The following ERC2 variants were observed in gnomAD, a reference collection of about 807,000 sequenced individuals.
The protein encoded by ERC2 is ELKS/RAB6-interacting/CAST family member 2, also known as ERC protein 2.
ERC2 carries 42 observed loss-of-function variants against 114.8 expected under a neutral mutation model. That is an observed-to-expected ratio of 0.37 (90% CI 0.29 to 0.47). The LOEUF (loss-of-function observed/expected upper bound fraction) is 0.47, where lower values mean the gene tolerates loss of function less well. Among genes scored for constraint, ERC2 ranks in the 20% least tolerant of loss-of-function variants. The pLI, the probability that ERC2 is intolerant of heterozygous loss-of-function variation, is 0.99. For synonymous variants in ERC2, 454 were observed against 425.5 expected (o/e 1.07, Z -0.82); for missense variants, 939 against 1,150.7 (o/e 0.82, Z 2.66).
intron 14 of ERC2, among the ~76,000 whole-genome samples, chr3:55,812,134 A>T (rs1036449031): frequency 3.9e-5 from 6 of 152,160 alleles, no homozygotes; most frequent in Non-Finnish European, 7.3e-5. Context: ...TTTCTGAGTT[A>T]GTTTGCTGAG....
At chr3:56,381,901 A>G (rs893751954) in intron 2 of ERC2, among the ~76,000 whole-genome samples, 5 of 152,114 alleles carry the variant, frequency 3.3e-5, no homozygotes, top group Non-Finnish European at 7.4e-5. Context: ...AGGGTCCTCA[A>G]GAACAAAGAT....
At chr3:55,769,870 G>A (rs550859368) in intron 14 of ERC2, among the ~76,000 whole-genome samples, 4 of 152,320 alleles carry the variant, frequency 2.6e-5, no homozygotes, top group Middle Eastern at 3.4e-3. Flanking sequence ...GGATATGGCA[G>A]AAGGTTCTTG....
At chr3:56,405,995 C>T (rs2060710034) in intron 2 of ERC2, among the ~76,000 whole-genome samples, 1 of 146,690 alleles carries the variant, frequency 6.8e-6, no homozygotes, top group African/African-American at 2.5e-5. Context: ...CAGGTTCAAG[C>T]GAGTCTCGTG....
At chr3:56,225,541 A>G (rs2050195340) in intron 3 of ERC2, among the ~76,000 whole-genome samples, 1 of 152,234 alleles carries the variant, frequency 6.6e-6, no homozygotes, top group African/African-American at 2.4e-5. Flanking sequence ...GATAACATTT[A>G]TTGAGATACC....
chr3:55,978,851 A>G (rs932850733), intron 12 of ERC2, among the ~76,000 whole-genome samples: 8 of 152,234 alleles, frequency 5.3e-5, no homozygotes, highest in Non-Finnish European at 8.8e-5. Flanking sequence ...ATGAAATATT[A>G]ATATAAACTA....
intron 2 of ERC2, among the ~76,000 whole-genome samples, chr3:56,297,499 G>C (rs1482791811): frequency 6.6e-6 from 1 of 152,200 alleles, no homozygotes; most frequent in African/African-American, 2.4e-5. Context: ...TGTGAGAAAA[G>C]GCACCCGTGC....
At chr3:56,154,787 C>T (rs187182865) in intron 4 of ERC2, among the ~76,000 whole-genome samples, 97 of 152,216 alleles carry the variant, frequency 6.4e-4, no homozygotes, top group African/African-American at 2.3e-3. Context: ...AAGAAAATTA[C>T]AAGTGAGGTA....
intron 7 of ERC2, among the ~76,000 whole-genome samples, chr3:56,040,797 T>G (rs1044350603): frequency 2.0e-5 from 3 of 146,974 alleles, no homozygotes; most frequent in African/African-American, 7.5e-5. Flanking sequence ...TATAGATATA[T>G]ATAGAGAGAT....
chr3:55,548,807 T>C (rs1238097493), intron 17 of ERC2, among the ~76,000 whole-genome samples: 1 of 152,156 alleles, frequency 6.6e-6, no homozygotes, highest in Admixed American at 6.5e-5. Flanking sequence ...GTAGAAGGCA[T>C]GGTGGCAGGC....
intron 17 of ERC2, among the ~76,000 whole-genome samples, chr3:55,672,624 A>C (rs1218673500): frequency 6.6e-6 from 1 of 152,178 alleles, no homozygotes; most frequent in Admixed American, 6.5e-5. Flanking sequence ...CAAGGGTGCT[A>C]TGTGAGTGAG....
chr3:56,307,828 G>GCACACA (rs10576433), intron 2 of ERC2, among the ~76,000 whole-genome samples: 1 of 147,556 alleles, frequency 6.8e-6, no homozygotes, highest in Non-Finnish European at 1.5e-5. Flanking sequence ...ACACACACTT[G>GCACACA]CACACACACA....
rs180893020 is a variant in ERC2 at position 55,738,836 on chromosome 3, C to T, written c.2565-3918G>A. Among the ~76,000 whole-genome samples the T allele has an allele frequency of 2.4e-3, 364 of 152,196 alleles. 3 individuals are homozygous for T. Among genetic ancestry groups the T allele is most frequent in the Non-Finnish European group, 4.0e-3 (272 of 68,010 alleles). On this transcript the variant is annotated intron_variant, in intron 14 of 17. Coordinates refer to ENST00000288221, the MANE Select transcript of ERC2 (RefSeq NM_015576.3). ...TGCAGGTTTGTTACATAGATATATA[C>T]ATGCCATGGTGGTTTGCTGCACCCA... is the stretch of plus-strand genomic sequence containing the variant.
intron 12 of ERC2, among the ~76,000 whole-genome samples, chr3:55,981,788 C>T (rs2070159388): frequency 6.6e-6 from 1 of 152,164 alleles, no homozygotes; most frequent in Non-Finnish European, 1.5e-5. Context: ...TGAAGCCAGA[C>T]ATGACATCCA....
chr3:56,071,506 C>T (rs1488955103), intron 7 of ERC2, among the ~76,000 whole-genome samples: 3 of 152,186 alleles, frequency 2.0e-5, no homozygotes, highest in Admixed American at 1.3e-4. Context: ...ATCAGCATAA[C>T]CAAAGTTACA....
chr3:56,424,299 C>G (rs1485282748), intron 2 of ERC2, among the ~76,000 whole-genome samples: 2 of 151,778 alleles, frequency 1.3e-5, no homozygotes. Context: ...GGCTTATGTG[C>G]TGCTGCAATC....
At chr3:55,709,591 G>C (rs1051211016) in intron 15 of ERC2, among the ~76,000 whole-genome samples, 1 of 152,184 alleles carries the variant, frequency 6.6e-6, no homozygotes, top group Non-Finnish European at 1.5e-5. Context: ...AGGACGGAAG[G>C]ACGCTCTCCT....
Position 55,547,484 on chromosome 3 carries a change from C to T in ERC2, c.*40-36208G>A, listed in dbSNP as rs575438327. Among the ~76,000 whole-genome samples the T allele has an allele frequency of 3.9e-5, 6 of 152,318 alleles. No individual in the cohort carries two copies. In the East Asian group the frequency reaches 1.2e-3, roughly 29 times the overall value. ...CGTTTCCGGTGCGCCTCCATCAAGC[C>T]ACATTTAATGAAAACCAGTTTAAGG... On this transcript the variant is annotated intron_variant, in intron 17 of 17. Transcript: ENST00000288221.
At chr3:56,353,328 T>A (rs1043439619) in intron 2 of ERC2, among the ~76,000 whole-genome samples, 7 of 152,048 alleles carry the variant, frequency 4.6e-5, no homozygotes, top group Non-Finnish European at 8.8e-5. Context: ...TCTGATCTCA[T>A]AGCACTTAAA....
intron 13 of ERC2, among the ~76,000 whole-genome samples, chr3:55,905,838 G>T (rs1459280560): frequency 6.6e-6 from 1 of 152,022 alleles, no homozygotes; most frequent in Admixed American, 6.6e-5. Context: ...AAACTGTCAG[G>T]TCTTGGCATA....
Sources: gnomAD v4.1 joint callset for allele counts (sites outside exome capture counted in the v4.1 genomes callset) on GRCh38, gnomAD v4.1.1 for gene constraint, MANE v1.5 for transcripts, NCBI Gene and HGNC (gene_info 2026-07-23, HGNC 2026-07-21) for gene names.